The following GRIK2 variants were observed in gnomAD, a reference collection of about 807,000 sequenced individuals.
GRIK2 encodes glutamate receptor ionotropic, kainate 2.
In GRIK2, 32 loss-of-function variants were observed where a neutral mutation model predicts 100.3. The observed-to-expected ratio is 0.32, with a 90% confidence interval of 0.24 to 0.43. The LOEUF is 0.43. Among genes scored for constraint, GRIK2 ranks in the 20% least tolerant of loss-of-function variants. The probability of loss-of-function intolerance (pLI) is 1.00; values close to 1 mark genes in which losing one functional copy is unlikely to be tolerated. For synonymous variants in GRIK2, 417 were observed against 389.4 expected (o/e 1.07, Z -0.83); for missense variants, 843 against 1,114.9 (o/e 0.76, Z 3.47).
At chr6:102,055,655 TTA>T in intron 16 of GRIK2, 75 bp downstream of exon 16, 1 of 1,043,190 alleles carries the variant, frequency 9.6e-7, no homozygotes, top group Non-Finnish European at 1.4e-6. Context: ...AAAAGAGTTT[TTA>T]TGTTACCAAC....
chr6:101,481,762 G>C (rs1303995085), intron 2 of GRIK2, among the ~76,000 whole-genome samples: 1 of 152,146 alleles, frequency 6.6e-6, no homozygotes, highest in Admixed American at 6.5e-5. Flanking sequence ...TGGTTTGGCT[G>C]TGTCCTCACC....
intron 7 of GRIK2, among the ~76,000 whole-genome samples, chr6:101,753,153 G>T (rs1039189617): frequency 6.6e-6 from 1 of 151,856 alleles, no homozygotes; most frequent in African/African-American, 2.4e-5. Flanking sequence ...GTGGTGGCGG[G>T]CGCCTGTAGT....
chr6:101,748,373 G>A (rs1409724488), intron 7 of GRIK2, among the ~76,000 whole-genome samples: 1 of 152,002 alleles, frequency 6.6e-6, no homozygotes, highest in East Asian at 1.9e-4. Context: ...TATTCTGGGA[G>A]TTAATCATCC....
At chr6:101,666,889 A>G (rs974454067) in intron 4 of GRIK2, among the ~76,000 whole-genome samples, 7 of 152,222 alleles carry the variant, frequency 4.6e-5, no homozygotes, top group African/African-American at 1.7e-4. Flanking sequence ...CCAAAGGAAA[A>G]GCAGTTAACA....
chr6:101,788,432 T>A (rs1413812949), intron 7 of GRIK2, among the ~76,000 whole-genome samples: 1 of 151,982 alleles, frequency 6.6e-6, no homozygotes, highest in Middle Eastern at 3.2e-3. Flanking sequence ...ATTGTTCAAT[T>A]CCCATCTATG....
At chr6:102,021,997 T>C (rs1278068923) in intron 14 of GRIK2, among the ~76,000 whole-genome samples, 1 of 150,416 alleles carries the variant, frequency 6.6e-6, no homozygotes, top group Non-Finnish European at 1.5e-5. Flanking sequence ...AAAAATTTTA[T>C]TTTTAGAAGG....
At chr6:101,794,595 T>C (rs1214756409) in intron 7 of GRIK2, among the ~76,000 whole-genome samples, 1 of 152,124 alleles carries the variant, frequency 6.6e-6, no homozygotes, top group Non-Finnish European at 1.5e-5. Context: ...TTATATGATG[T>C]CTATCTCTTT....
At position 102,062,589 on chromosome 6, in the gene GRIK2, T is replaced by C. The variant is rs1440717092; in HGVS notation, c.2563-5758T>C. Among the ~76,000 whole-genome samples the C allele has an allele frequency of 7.3e-5, 11 of 150,806 alleles. No individual in the cohort carries two copies. In the East Asian group the frequency reaches 1.2e-3, roughly 16 times the overall value. ...AGCTTATGTAAATAATAAAACTTTT[T>C]TTTAAAGATAGCTGCTCTAAAACCA... On this transcript the variant is annotated intron_variant, in intron 16 of 16. Coordinates refer to ENST00000369134, the MANE Select transcript of GRIK2 (RefSeq NM_021956.5).
intron 2 of GRIK2, among the ~76,000 whole-genome samples, chr6:101,521,559 T>C (rs1007161869): frequency 6.6e-6 from 1 of 151,946 alleles, no homozygotes; most frequent in South Asian, 2.1e-4. Flanking sequence ...AAATTTCTTT[T>C]GTTCAAGATT....
chr6:101,411,652 G>A (rs1313782552), intron 2 of GRIK2, among the ~76,000 whole-genome samples: 1 of 152,066 alleles, frequency 6.6e-6, no homozygotes, highest in Non-Finnish European at 1.5e-5. Context: ...ATGTCTAGAT[G>A]ATGAAAAACA....
At chr6:101,810,507 G>A (rs547417387) in intron 9 of GRIK2, among the ~76,000 whole-genome samples, 4 of 152,128 alleles carry the variant, frequency 2.6e-5, no homozygotes, top group Non-Finnish European at 5.9e-5. Flanking sequence ...AGCGTTCTTT[G>A]CCCTATCCTT....
intron 2 of GRIK2, among the ~76,000 whole-genome samples, chr6:101,518,345 C>T (rs1562195983): frequency 6.6e-6 from 1 of 152,084 alleles, no homozygotes; most frequent in Non-Finnish European, 1.5e-5. Context: ...TTCTTATGTA[C>T]TCTGAACTTC....
At chr6:101,654,385 A>G (rs975844153) in intron 4 of GRIK2, among the ~76,000 whole-genome samples, 4 of 152,130 alleles carry the variant, frequency 2.6e-5, no homozygotes, top group Non-Finnish European at 4.4e-5. Flanking sequence ...CTGGAGTCCT[A>G]TCCTTCAGAT....
In GRIK2 at chr6:101,604,860, A is replaced by C. The variant is rs540602265; in HGVS notation, c.116-17089A>C. On this transcript the variant is annotated intron_variant, in intron 2 of 16. Coordinates refer to ENST00000369134, the MANE Select transcript of GRIK2 (RefSeq NM_021956.5). Reference sequence around the variant, plus strand: ...TAGCTTCCCTTTTTAGGCACAATTAAATATAAGTCCCCAAACCAGCAGGTA... The same window carrying C: ...TAGCTTCCCTTTTTAGGCACAATTACATATAAGTCCCCAAACCAGCAGGTA... 1.4e-4 allele frequency among the ~76,000 whole-genome samples: 21 copies of C among 152,046 alleles called. No individual in the cohort carries two copies. In the South Asian group the frequency reaches 4.1e-3, roughly 30 times the overall value.
intron 14 of GRIK2, among the ~76,000 whole-genome samples, chr6:102,018,077 C>A (rs549022222): frequency 6.6e-6 from 1 of 152,126 alleles, no homozygotes; most frequent in Admixed American, 6.6e-5. Context: ...TTCTAGTATG[C>A]CTTGTAACTT....
At chr6:101,510,064 A>AT (rs902849831) in intron 2 of GRIK2, among the ~76,000 whole-genome samples, 7 of 152,308 alleles carry the variant, frequency 4.6e-5, no homozygotes, top group Admixed American at 1.3e-4. Context: ...ATACTTCTAA[A>AT]TTTTTTTAAA....
intron 2 of GRIK2, among the ~76,000 whole-genome samples, chr6:101,477,299 G>A (rs1012618505): frequency 5.3e-5 from 8 of 152,292 alleles, no homozygotes; most frequent in Non-Finnish European, 1.0e-4. Context: ...GGGTTAGTAT[G>A]TTGGTGTTAG....
At chr6:101,605,857 A>G (rs1200972610) in intron 2 of GRIK2, among the ~76,000 whole-genome samples, 1 of 152,070 alleles carries the variant, frequency 6.6e-6, no homozygotes, top group East Asian at 1.9e-4. Flanking sequence ...TGTAGAGAGC[A>G]ACTGATTAAC....
intron 12 of GRIK2, among the ~76,000 whole-genome samples, chr6:101,903,560 T>G (rs544958894): frequency 1.3e-5 from 2 of 151,932 alleles, no homozygotes; most frequent in East Asian, 3.9e-4. Context: ...TGTCTTAGAT[T>G]TCTGTTATAC....
Sources: gnomAD v4.1 joint callset for allele counts (sites outside exome capture counted in the v4.1 genomes callset) on GRCh38, gnomAD v4.1.1 for gene constraint, MANE v1.5 for transcripts, NCBI Gene and HGNC (gene_info 2026-07-23, HGNC 2026-07-21) for gene names.